The following BAZ2B variants were observed in gnomAD, a reference collection of about 807,000 sequenced individuals.
The protein encoded by BAZ2B is bromodomain adjacent to zinc finger domain 2B.
A neutral mutation model predicts 246.0 loss-of-function variants in BAZ2B; 91 were observed. That is an observed-to-expected ratio of 0.37 (90% CI 0.31 to 0.44). The LOEUF (loss-of-function observed/expected upper bound fraction) is 0.44, where lower values mean the gene tolerates loss of function less well. BAZ2B is among the 20% of genes least tolerant of loss of function. The probability of loss-of-function intolerance (pLI) is 1.00; values close to 1 mark genes in which losing one functional copy is unlikely to be tolerated. For synonymous variants in BAZ2B, 855 were observed against 860.0 expected (o/e 0.99, Z 0.10); for missense variants, 2,332 against 2,533.7 (o/e 0.92, Z 1.71).
intron 27 of BAZ2B, among the ~76,000 whole-genome samples, chr2:159,356,951 A>G (rs1035446398): frequency 1.3e-5 from 2 of 152,234 alleles, no homozygotes; most frequent in African/African-American, 4.8e-5. Flanking sequence ...GGACATCCAC[A>G]CAGAAACTCC....
chr2:159,644,890 C>T, the BAZ2B span, among the ~76,000 whole-genome samples: 3 of 152,148 alleles, frequency 2.0e-5, no homozygotes, highest in Non-Finnish European at 4.4e-5. Flanking sequence ...AAAACTTTTT[C>T]CTTAATAATT....
At chr2:159,420,637 AT>A in intron 13 of BAZ2B, among the ~76,000 whole-genome samples, 1 of 152,322 alleles carries the variant, frequency 6.6e-6, no homozygotes, top group South Asian at 2.1e-4. Context: ...ATATTTCAAA[AT>A]AATACGTTAT....
At chr2:159,508,033 G>A (rs536708121) in intron 2 of BAZ2B, among the ~76,000 whole-genome samples, 1 of 152,232 alleles carries the variant, frequency 6.6e-6, no homozygotes, top group South Asian at 2.1e-4. Flanking sequence ...ACCATGCCCA[G>A]CTAATTTTTG....
chr2:159,621,290 A>C (rs1002784780), upstream of BAZ2B, among the ~76,000 whole-genome samples: 1 of 152,204 alleles, frequency 6.6e-6, no homozygotes, highest in Non-Finnish European at 1.5e-5. Flanking sequence ...TGTGAATTCA[A>C]ATGTCCCCAA....
intron 33 of BAZ2B, among the ~76,000 whole-genome samples, chr2:159,335,776 G>A (rs767800312): frequency 3.3e-5 from 5 of 152,064 alleles, no homozygotes; most frequent in African/African-American, 1.2e-4. Context: ...TTTTCTTCAG[G>A]GAAACAACCA....
chr2:159,594,751 T>A (rs952787646), intron 1 of BAZ2B, among the ~76,000 whole-genome samples: 2 of 151,774 alleles, frequency 1.3e-5, no homozygotes, highest in African/African-American at 4.8e-5. Context: ...CCCAGCTCAG[T>A]CTCCCAAGCG....
At chr2:159,537,698 C>T (rs547057054) in intron 2 of BAZ2B, among the ~76,000 whole-genome samples, 6 of 152,268 alleles carry the variant, frequency 3.9e-5, no homozygotes, top group Non-Finnish European at 5.9e-5. Context: ...TTCAGTTATT[C>T]GGTTCTCTCA....
At chr2:159,408,045 T>C (rs1315971397) in intron 14 of BAZ2B, among the ~76,000 whole-genome samples, 2 of 152,198 alleles carry the variant, frequency 1.3e-5, no homozygotes, top group Non-Finnish European at 2.9e-5. Context: ...ATAAGTACGA[T>C]CTTTTGCTGC....
rs1293714885 is a variant in BAZ2B, at chr2:159,453,952, TATAAA to T, written c.146-156_146-152del. Reference sequence around the variant, plus strand: ...GCTGCATTTTCTACTCTTCAAACCCTATAAAATGTTTCTAGAAACATGAAGACATG... The same window carrying T: ...GCTGCATTTTCTACTCTTCAAACCCTATGTTTCTAGAAACATGAAGACATG... On this transcript the variant is annotated intron_variant, in intron 3 of 36. Transcript: ENST00000392783. The T allele has an allele frequency of 1.4e-5, 8 of 575,860 alleles. No individual in the cohort carries two copies. The African/African-American group carries it at 1.5e-4, about 11-fold the overall frequency. 35.7% of individuals were successfully genotyped at this position (575,860 alleles called of 1,614,324 possible).
chr2:159,439,325 T>C, intron 6 of BAZ2B, 113 bp from the exon 7 acceptor site: 1 of 990,528 alleles, frequency 1.0e-6, no homozygotes, highest in Non-Finnish European at 1.5e-6. Context: ...CAAAATGTCA[T>C]TGTAGGAAAA....
At chr2:159,335,274 C>A (rs775547004) in intron 33 of BAZ2B, among the ~76,000 whole-genome samples, 1 of 151,998 alleles carries the variant, frequency 6.6e-6, no homozygotes, top group African/African-American at 2.4e-5. Context: ...GGGCCAGGTG[C>A]GGTGGCTCAT....
intron 14 of BAZ2B, among the ~76,000 whole-genome samples, chr2:159,408,087 A>C (rs1020861403): frequency 6.6e-5 from 10 of 152,226 alleles, no homozygotes; most frequent in Non-Finnish European, 1.3e-4. Context: ...ATATAAGTTT[A>C]ACTTTTAATA....
intron 3 of BAZ2B, among the ~76,000 whole-genome samples, chr2:159,467,231 G>A (rs1305290120): frequency 2.6e-5 from 4 of 152,198 alleles, no homozygotes; most frequent in African/African-American, 9.7e-5. Context: ...GCAGCCTTAT[G>A]TAAAAATTAA....
At chr2:159,672,177 A>T in the BAZ2B span, among the ~76,000 whole-genome samples, 1 of 152,322 alleles carries the variant, frequency 6.6e-6, no homozygotes, top group East Asian at 1.9e-4. Context: ...CAAAATAATA[A>T]TTTTGCTTTA....
At chr2:159,507,963 C>T (rs1338088016) in intron 2 of BAZ2B, among the ~76,000 whole-genome samples, 1 of 152,124 alleles carries the variant, frequency 6.6e-6, no homozygotes, top group African/African-American at 2.4e-5. Context: ...CCTCCACCTC[C>T]CGGTTCAAGT....
the BAZ2B span, among the ~76,000 whole-genome samples, chr2:159,644,040 T>C: frequency 2.7e-3 from 405 of 152,134 alleles, 2 homozygotes; most frequent in African/African-American, 9.2e-3. Context: ...CCCCAGGAGG[T>C]AGACACTGCA....
chr2:159,337,019 G>A lies in BAZ2B; in HGVS notation c.5719C>T (p.Arg1907Cys), dbSNP rs370717896. The change falls in exon 33 of 37, where the codon CGC becomes TGC. Residue 1907 changes from arginine (R) to cysteine (C), a missense_variant. Around this residue, in one of 9 missense-constraint regions of BAZ2B, gnomAD observed 53 missense variants for 62.0 expected, o/e 0.86. Transcript: ENST00000392783. ...RVWRRALSEA[R>C]SAAQVALCIQ... ...CACAGAGCTACCTGTGCAGCACTGCGAGCTTCTGATAATGCCCTTCTCCAT... is the reference window on the plus strand; with the variant it reads ...CACAGAGCTACCTGTGCAGCACTGCAAGCTTCTGATAATGCCCTTCTCCAT... The A allele has an allele frequency of 3.6e-5, 58 of 1,611,746 alleles. No individual in the cohort carries two copies. The highest frequency in any genetic ancestry group is 6.7e-5 in the African/African-American group (5 of 74,834).
chr2:159,624,619 A>G, the BAZ2B span, among the ~76,000 whole-genome samples: 4 of 152,198 alleles, frequency 2.6e-5, no homozygotes. Flanking sequence ...AAACTAACAG[A>G]AAGGAATAGC....
chr2:159,441,513 T>C (rs2073378803), intron 6 of BAZ2B, among the ~76,000 whole-genome samples: 1 of 119,368 alleles, frequency 8.4e-6, no homozygotes, highest in African/African-American at 2.6e-5. Flanking sequence ...GTGTGAGTAT[T>C]AGAGAAATAG....
Sources: allele counts gnomAD v4.1 joint callset (sites outside exome capture counted in the v4.1 genomes callset), GRCh38; gene constraint gnomAD v4.1.1; regional missense constraint gnomAD v4.1.1; transcripts MANE v1.5; gene names NCBI Gene and HGNC (gene_info 2026-07-23, HGNC 2026-07-21).